EFCAB3: variants seen among roughly 807,000 people sequenced by gnomAD.
The protein encoded by EFCAB3 is EF-hand calcium-binding domain-containing protein 3.
EFCAB3 carries 36 observed loss-of-function variants against 42.2 expected under a neutral mutation model. The ratio of observed to expected loss-of-function variants is 0.85; its 90% CI spans 0.65 to 1.13. The LOEUF (loss-of-function observed/expected upper bound fraction) is 1.13. Among genes scored for constraint, EFCAB3 ranks in the 50% most tolerant of loss-of-function variants. EFCAB3 has a pLI of 0.00. For missense variants in EFCAB3, 418 were observed against 505.1 expected, an observed-to-expected ratio of 0.83 and a Z score of 1.65; for synonymous variants, 170 against 172.8, an observed-to-expected ratio of 0.98 and a Z score of 0.13.
intron 8 of EFCAB3, among the ~76,000 whole-genome samples, chr17:62,410,801 C>G (rs2070488870): frequency 6.6e-6 from 1 of 152,002 alleles, no homozygotes; most frequent in South Asian, 2.1e-4. Context: ...GATGCCCATT[C>G]AGGGTCAGGA....
chr17:62,413,471 G>A (rs895513797), intron 8 of EFCAB3, among the ~76,000 whole-genome samples: 1 of 152,130 alleles, frequency 6.6e-6, no homozygotes, highest in Non-Finnish European at 1.5e-5. Flanking sequence ...TTACCAAAAG[G>A]ACAGACCTCA....
intron 6 of EFCAB3, among the ~76,000 whole-genome samples, chr17:62,400,639 T>C (rs1020938785): frequency 2.6e-5 from 4 of 152,210 alleles, no homozygotes; most frequent in Non-Finnish European, 5.9e-5. Flanking sequence ...TGATGGACAT[T>C]TGCGTTGGTT....
chr17:62,375,651 G>A (rs1030048433), upstream of EFCAB3, among the ~76,000 whole-genome samples: 3 of 152,120 alleles, frequency 2.0e-5, no homozygotes, highest in African/African-American at 7.2e-5. Context: ...CTGTATCAAG[G>A]TCATTCTTAA....
At chr17:62,411,564 T>TA (rs1461546016) in intron 8 of EFCAB3, among the ~76,000 whole-genome samples, 1 of 151,094 alleles carries the variant, frequency 6.6e-6, no homozygotes, top group Non-Finnish European at 1.5e-5. Flanking sequence ...AGGTCAGGAG[T>TA]TCAAGACCAG....
rs959516657 is a variant in EFCAB3 at position 62,388,511 on chromosome 17, C to T, written c.151+1095C>T. ...AAGTGTGGCTGTGTTTGGGTTGCAT[C>T]TGGTTTCTGAAGAGGCTGATGCTTT... On this transcript the variant is annotated intron_variant, in intron 3 of 9. Transcript: ENST00000305286. 3.3e-5 allele frequency among the ~76,000 whole-genome samples: 5 copies of T among 152,180 alleles called. No homozygotes were observed. In the South Asian group the frequency reaches 6.2e-4, roughly 19 times the overall value.
At chr17:62,382,835 T>C (rs1431704256) in intron 1 of EFCAB3, 128 bp from the exon 2 acceptor site, 6 of 687,376 alleles carry the variant, frequency 8.7e-6, no homozygotes, top group Non-Finnish European at 1.4e-5. Flanking sequence ...TAACTTGAGT[T>C]TGCATCTATT....
chr17:62,373,702 G>T (rs2144044420), intron 1 of EFCAB3: 1 of 648,698 alleles, frequency 1.5e-6, no homozygotes. Flanking sequence ...AATGTTTCTA[G>T]TTCTTCTAAC....
chr17:62,392,782 C>T (rs960677181), intron 4 of EFCAB3, among the ~76,000 whole-genome samples: 11 of 152,006 alleles, frequency 7.2e-5, no homozygotes, highest in African/African-American at 1.9e-4. Context: ...GGACTACAGG[C>T]GCCCGCCACC....
Position 62,383,057 on chromosome 17 carries a change from G to C in EFCAB3, c.74+4G>C, listed in dbSNP as rs758468687. Reference sequence around the variant, plus strand: ...TACCCATCTCCCACAATAAAAGGTAGGTAATGAATGATTAAGGGTGATAAA... The same window carrying C: ...TACCCATCTCCCACAATAAAAGGTACGTAATGAATGATTAAGGGTGATAAA... On this transcript the variant is annotated splice_donor_region_variant and intron_variant, in intron 2 of 9. Coordinates refer to ENST00000305286, the MANE Select transcript of EFCAB3 (RefSeq NM_173503.4). 6.2e-6 allele frequency: 10 copies of C among 1,604,680 alleles called. No homozygotes were observed. The highest frequency in any genetic ancestry group is 7.7e-6 in the Non-Finnish European group (9 of 1,173,266).
At position 62,397,398 on chromosome 17, in the gene EFCAB3, T is replaced by G. The variant is rs1373853867; in HGVS notation, c.488+2210T>G. On this transcript the variant is annotated intron_variant, in intron 6 of 9. Coordinates refer to ENST00000305286, the MANE Select transcript of EFCAB3 (RefSeq NM_173503.4). ...ACTCAGGCCCGTGGTGCCAGCAGGATGGGCAAGCGTCATGGACTTCGTGTG... is the reference window on the plus strand; with the variant it reads ...ACTCAGGCCCGTGGTGCCAGCAGGAGGGGCAAGCGTCATGGACTTCGTGTG... 3 of 399,524 alleles carry G rather than the reference T, an allele frequency of 7.5e-6. No individual in the cohort carries two copies. In the East Asian group the frequency reaches 1.8e-4, roughly 24 times the overall value. The allele number at this position is 399,524 out of a possible 1,614,324, so 24.7% of individuals were successfully genotyped here.
upstream of EFCAB3, among the ~76,000 whole-genome samples, chr17:62,376,211 G>T (rs1455932729): frequency 2.0e-5 from 3 of 152,126 alleles, no homozygotes; most frequent in Non-Finnish European, 4.4e-5. Flanking sequence ...GGTGGCTCAC[G>T]CCTGTAATCT....
intron 3 of EFCAB3, 98 bp from the exon 4 acceptor site, chr17:62,391,719 TAGAAC>T (rs2070304067): frequency 8.1e-7 from 1 of 1,230,118 alleles, no homozygotes; most frequent in South Asian, 2.3e-5. Flanking sequence ...ATCCTTTTTT[TAGAAC>T]ATGATCTCCA....
chr17:62,392,651 T>G (rs74752742), intron 4 of EFCAB3, among the ~76,000 whole-genome samples: 1 of 152,238 alleles, frequency 6.6e-6, no homozygotes, highest in South Asian at 2.1e-4. Context: ...TTTTTTTTTT[T>G]GTTTGAGACG....
intron 2 of EFCAB3, among the ~76,000 whole-genome samples, chr17:62,386,073 G>T (rs896030902): frequency 5.3e-5 from 8 of 151,688 alleles, no homozygotes; most frequent in South Asian, 2.1e-4. Context: ...AAAACTATGA[G>T]ATTTCATATT....
At position 62,397,452 on chromosome 17, in the gene EFCAB3, A is replaced by T. The variant is rs923931491; in HGVS notation, c.488+2264A>T. 1.3e-5 allele frequency: 7 copies of T among 540,830 alleles called. No individual in the cohort carries two copies. In the African/African-American group the frequency reaches 1.3e-4, roughly 10 times the overall value. 33.5% of individuals were successfully genotyped at this position (540,830 alleles called of 1,614,324 possible). On this transcript the variant is annotated intron_variant, in intron 6 of 9. Transcript: ENST00000305286. The stretch of plus-strand genomic sequence containing the variant: ...AGGAAGCTCCACAGTCACTGACGAG[A>T]CCAGAAGTGGCATGAAAAACAGTAC...
rs181966404 is a variant in EFCAB3, at chr17:62,393,772, G to A, written c.367+128G>A. 15 of 725,936 alleles carry A rather than the reference G, an allele frequency of 2.1e-5. No individual in the cohort carries two copies. In the Middle Eastern group the frequency reaches 7.4e-4, roughly 36 times the overall value. 45.0% of individuals were successfully genotyped at this position (725,936 alleles called of 1,614,324 possible). On this transcript the variant is annotated intron_variant, in intron 5 of 9. Coordinates refer to ENST00000305286, the MANE Select transcript of EFCAB3 (RefSeq NM_173503.4). ...GTAGTCTGGGATGTGAGTTACTTTT[G>A]TACCTCTTCTCCAGAACAGTATTTG...
At chr17:62,380,097 G>A (rs2070183823), upstream of EFCAB3, among the ~76,000 whole-genome samples, 1 of 152,184 alleles carries the variant, frequency 6.6e-6, no homozygotes, top group African/African-American at 2.4e-5. Context: ...TGCCTCCCAA[G>A]TTCAAGCAAT....
chr17:62,388,545 A>G (rs1301708916), intron 3 of EFCAB3, among the ~76,000 whole-genome samples: 1 of 152,344 alleles, frequency 6.6e-6, no homozygotes, highest in East Asian at 1.9e-4. Context: ...TTACCCCACT[A>G]AATTTAGAAC....
At chr17:62,392,047 T>G in intron 4 of EFCAB3, 82 bp downstream of exon 4, 1 of 1,359,696 alleles carries the variant, frequency 7.4e-7, no homozygotes, top group Non-Finnish European at 9.7e-7. Flanking sequence ...TGTATAAACA[T>G]GAGAAACAAA....
Sources: allele counts gnomAD v4.1 joint callset (sites outside exome capture counted in the v4.1 genomes callset), GRCh38; gene constraint gnomAD v4.1.1; transcripts MANE v1.5; gene names NCBI Gene and HGNC (gene_info 2026-07-23, HGNC 2026-07-21).